The following TULP3 variants were observed in gnomAD, a reference collection of about 807,000 sequenced individuals.
TULP3 encodes the protein TUB like protein 3, also known as tubby-related protein 3.
In TULP3, 38 loss-of-function variants were observed where a neutral mutation model predicts 50.7. That is an observed-to-expected ratio of 0.75 (90% CI 0.58 to 0.98). The LOEUF (loss-of-function observed/expected upper bound fraction) is 0.98, where lower values mean the gene tolerates loss of function less well. TULP3 is among the 50% of genes least tolerant of loss of function. TULP3 has a pLI of 0.00. For missense variants in TULP3, 550 were observed against 568.0 expected, an observed-to-expected ratio of 0.97 and a Z score of 0.32; for synonymous variants, 183 against 196.6, an observed-to-expected ratio of 0.93 and a Z score of 0.58.
chr12:2,895,293 A>G (rs2098174867), intron 1 of TULP3, among the ~76,000 whole-genome samples: 2 of 152,174 alleles, frequency 1.3e-5, no homozygotes, highest in Admixed American at 1.3e-4. Context: ...TGTCTCTACT[A>G]AATGGGCCTC....
intron 1 of TULP3, among the ~76,000 whole-genome samples, chr12:2,898,323 A>T (rs1038887489): frequency 6.6e-5 from 10 of 152,122 alleles, no homozygotes; most frequent in African/African-American, 2.2e-4. Context: ...GCCAGGGGTC[A>T]GCAGACCTTT....
rs752482138 is a variant in TULP3 at position 2,930,997 on chromosome 12, G to A, written c.493-40G>A. ...TTTTTCAAAGAGAATCAGATTTTGA[G>A]TCTCGGCCTGTTGTTGCTCATGTAT... On this transcript the variant is annotated intron_variant, in intron 5 of 10. Transcript: ENST00000448120. 33 of 1,606,068 alleles carry A rather than the reference G, an allele frequency of 2.1e-5. 1 individual carries two copies. The South Asian group carries it at 2.6e-4, about 13-fold the overall frequency.
At chr12:2,897,953 C>T (rs576690915) in intron 1 of TULP3, among the ~76,000 whole-genome samples, 76 of 151,496 alleles carry the variant, frequency 5.0e-4, no homozygotes, top group Admixed American at 1.2e-3. Flanking sequence ...TGGCGCATGC[C>T]TGTGATCCCA....
chr12:2,932,117 T>C (rs1199554812), intron 6 of TULP3, among the ~76,000 whole-genome samples: 1 of 152,188 alleles, frequency 6.6e-6, no homozygotes, highest in East Asian at 1.9e-4. Flanking sequence ...ATTCATGCCA[T>C]TGAGGTCACA....
intron 1 of TULP3, among the ~76,000 whole-genome samples, chr12:2,899,947 G>A (rs2098178111): frequency 6.7e-6 from 1 of 150,262 alleles, no homozygotes; most frequent in Non-Finnish European, 1.5e-5. Context: ...GGCTGTGGTG[G>A]CTCACATCTG....
At chr12:2,910,031 G>A (rs147247268) in intron 2 of TULP3, among the ~76,000 whole-genome samples, 4,099 of 152,208 alleles carry the variant, frequency 0.027, 192 homozygotes, top group African/African-American at 0.094. Flanking sequence ...AGTGGCTCAC[G>A]CCTGTCATCC....
At chr12:2,903,363 G>C (rs2098180317) in intron 1 of TULP3, among the ~76,000 whole-genome samples, 1 of 151,714 alleles carries the variant, frequency 6.6e-6, no homozygotes, top group Non-Finnish European at 1.5e-5. Context: ...GGGAGTTCAA[G>C]TCCAGCCAGA....
intron 1 of TULP3, among the ~76,000 whole-genome samples, chr12:2,903,682 T>A (rs900168465): frequency 2.0e-5 from 3 of 152,222 alleles, no homozygotes; most frequent in Non-Finnish European, 4.4e-5. Context: ...TACCTGATTT[T>A]AAAAAATCTT....
intron 1 of TULP3, among the ~76,000 whole-genome samples, chr12:2,902,112 A>G (rs567925213): frequency 6.6e-6 from 1 of 152,318 alleles, no homozygotes; most frequent in African/African-American, 2.4e-5. Context: ...AAATTTTTGT[A>G]AATTATATTT....
Position 2,931,071 on chromosome 12 carries a change from A to G in TULP3, c.527A>G (p.Gln176Arg). 6.2e-7 allele frequency: 1 copy of G among 1,614,124 alleles called. No individual in the cohort carries two copies. Among genetic ancestry groups the G allele is most frequent in the Admixed American group, 1.7e-5 (1 of 60,000 alleles). ...TGTSGSATAA[Q>R]PADNLLGDID... ...ACTTCCGGTTCTGCTACTGCCGCCC[A>G]ACCAGCTGATAACCTCCTGGGAGAC... The change falls in exon 6 of 11, where the codon CAA (glutamine) becomes CGA (arginine). Residue 176 changes from glutamine (Q) to arginine (R), a missense_variant. Gln to Arg is a conservative substitution (Grantham distance 43). Transcript: ENST00000448120.
chr12:2,922,232 T>C, intron 3 of TULP3, 30 bp from the exon 4 acceptor site: 1 of 1,604,016 alleles, frequency 6.2e-7, no homozygotes, highest in South Asian at 1.1e-5. Context: ...TTTGCTCCTT[T>C]TTTAAAATTC....
chr12:2,917,868 C>T (rs1172874468), intron 2 of TULP3, among the ~76,000 whole-genome samples: 1 of 140,368 alleles, frequency 7.1e-6, no homozygotes, highest in Non-Finnish European at 1.5e-5. Context: ...CAGTGCAAGA[C>T]TCTGTCTCAA....
chr12:2,901,285 A>ATTTTTT (rs141208770), intron 1 of TULP3, among the ~76,000 whole-genome samples: 2 of 115,400 alleles, frequency 1.7e-5, no homozygotes, highest in South Asian at 2.8e-4. Context: ...GGCTAATTTG[A>ATTTTTT]TTTTTTTTTT....
intron 1 of TULP3, among the ~76,000 whole-genome samples, chr12:2,895,380 C>G (rs1325932629): frequency 1.3e-5 from 2 of 152,162 alleles, no homozygotes; most frequent in Non-Finnish European, 1.5e-5. Flanking sequence ...TAGAGGACAG[C>G]TGAGCTTAGA....
intron 2 of TULP3, among the ~76,000 whole-genome samples, chr12:2,915,943 T>C (rs1421212779): frequency 6.6e-6 from 1 of 152,208 alleles, no homozygotes; most frequent in East Asian, 1.9e-4. Context: ...AGTGTAACCT[T>C]AGCCCATCAC....
intron 2 of TULP3, among the ~76,000 whole-genome samples, chr12:2,919,019 A>C (rs1375783723): frequency 6.6e-6 from 1 of 151,832 alleles, no homozygotes; most frequent in Non-Finnish European, 1.5e-5. Context: ...CAGCCTCCTG[A>C]GTAGCTGGGA....
At chr12:2,903,824 G>A (rs978438732) in intron 1 of TULP3, among the ~76,000 whole-genome samples, 2 of 152,004 alleles carry the variant, frequency 1.3e-5, no homozygotes, top group African/African-American at 4.8e-5. Context: ...CTGTTGCCCA[G>A]GCTGGAGTGC....
At chr12:2,891,027 C>T in intron 1 of TULP3, 39 bp downstream of exon 1, 2 of 1,526,626 alleles carry the variant, frequency 1.3e-6, no homozygotes, top group East Asian at 2.5e-5. Context: ...CTGAGCGAGG[C>T]GGAGGGGCGA....
intron 4 of TULP3, among the ~76,000 whole-genome samples, chr12:2,929,630 T>G (rs1003533710): frequency 6.6e-6 from 1 of 151,688 alleles, no homozygotes; most frequent in East Asian, 2.0e-4. Flanking sequence ...AGTCTCTGTC[T>G]CCCAGGCTAT....
Sources: gnomAD v4.1 joint callset for allele counts (sites outside exome capture counted in the v4.1 genomes callset) on GRCh38, gnomAD v4.1.1 for gene constraint, MANE v1.5 for transcripts, NCBI Gene and HGNC (gene_info 2026-07-23, HGNC 2026-07-21) for gene names.